ATP10A: variants seen among roughly 807,000 people sequenced by gnomAD.
ATP10A encodes the protein phospholipid-transporting ATPase VA.
In ATP10A, 111 loss-of-function variants were observed where a neutral mutation model predicts 147.8. The observed-to-expected ratio is 0.75, with a 90% CI of 0.64 to 0.88. The LOEUF is 0.88. Among genes scored for constraint, ATP10A ranks in the 40% least tolerant of loss-of-function variants. ATP10A has a pLI of 0.00. For missense variants in ATP10A, 1,927 were observed against 1,959.0 expected (o/e 0.98, Z 0.31); for synonymous variants, 875 against 841.6 (o/e 1.04, Z -0.69).
At chr15:25,682,040 C>G (rs1005455155) in intron 17 of ATP10A, among the ~76,000 whole-genome samples, 1 of 130,356 alleles carries the variant, frequency 7.7e-6, no homozygotes, top group Non-Finnish European at 1.6e-5. Context: ...GGTGACAGAG[C>G]GAGACCTTGT....
At chr15:25,682,552 C>T (rs1277279756) in intron 17 of ATP10A, among the ~76,000 whole-genome samples, 4 of 152,062 alleles carry the variant, frequency 2.6e-5, no homozygotes, top group Admixed American at 6.6e-5. Flanking sequence ...CACAGGTGGC[C>T]GAGGAGGCTG....
intron 7 of ATP10A, among the ~76,000 whole-genome samples, chr15:25,718,888 C>T (rs541900136): frequency 6.6e-6 from 1 of 152,256 alleles, no homozygotes; most frequent in South Asian, 2.1e-4. Context: ...GGGGGGCTCA[C>T]ACTCCCAGAT....
intron 16 of ATP10A, 64 bp from the exon 17 acceptor site, chr15:25,683,550 C>G (rs925100395): frequency 1.4e-6 from 2 of 1,474,098 alleles, no homozygotes; most frequent in African/African-American, 2.8e-5. Flanking sequence ...GATTCTCATC[C>G]GAGGGAGCTG....
intron 16 of ATP10A, among the ~76,000 whole-genome samples, chr15:25,685,547 GA>G (rs1198235847): frequency 2.4e-4 from 36 of 152,302 alleles, no homozygotes; most frequent in African/African-American, 8.2e-4. Context: ...AGATTTAAAA[GA>G]AGACTGGACA....
At chr15:25,675,767 G>A (rs57788383), downstream of ATP10A, among the ~76,000 whole-genome samples, 208 of 152,298 alleles carry the variant, frequency 1.4e-3, 1 homozygote, top group African/African-American at 4.6e-3. Context: ...CCAACACGGC[G>A]AAAGCCCATC....
At position 25,862,659 on chromosome 15, in the gene ATP10A, C is replaced by T. The variant is rs1362154459; in HGVS notation, c.438G>A (p.Leu146=). The T allele has an allele frequency of 6.3e-7, 1 of 1,584,204 alleles. No individual in the cohort carries two copies. Among genetic ancestry groups the T allele is most frequent in the Non-Finnish European group, 8.6e-7 (1 of 1,162,922 alleles). Residue 146 remains leucine (L), a synonymous_variant, in exon 1 of 21, where the codon CTG becomes CTA. Transcript: ENST00000555815. ...SDHKINHLGC[L]VFSREEKKYV... is the part of the protein sequence containing the mutation. ...CCCGCCCAACTCACCTGCTGAAGAC[C>T]AGGCAGCCCAGGTGGTTGATCTTGT... is the stretch of plus-strand genomic sequence containing the variant.
intron 13 of ATP10A, among the ~76,000 whole-genome samples, chr15:25,700,929 T>TAA (rs36021930): frequency 3.5e-5 from 5 of 143,938 alleles, no homozygotes; most frequent in African/African-American, 1.0e-4. Flanking sequence ...AGAGGTCACT[T>TAA]AAAAAAAAAA....
In ATP10A at chr15:25,860,322, GC is replaced by G. The variant is rs1221329467; in HGVS notation, c.449+2325del. Among the ~76,000 whole-genome samples, 5 of 152,108 alleles carry G rather than the reference GC, an allele frequency of 3.3e-5. No homozygotes were observed. In the East Asian group the frequency reaches 7.7e-4, roughly 24 times the overall value. On this transcript the variant is annotated intron_variant, in intron 1 of 20. Coordinates refer to ENST00000555815, the MANE Select transcript of ATP10A (RefSeq NM_024490.4). The stretch of plus-strand genomic sequence containing the variant: ...CCAGACTCTTGTCCTGCACTGGGAC[GC>G]CTCGCCAGACATGGAGCCTGCATCC...
chr15:25,682,608 G>A (rs1044099254), intron 17 of ATP10A, among the ~76,000 whole-genome samples: 2 of 152,204 alleles, frequency 1.3e-5, no homozygotes, highest in African/African-American at 4.8e-5. Flanking sequence ...CAGATAACAA[G>A]CAGAGGCCCT....
At position 25,732,123 on chromosome 15, in the gene ATP10A, A is replaced by T. The variant is rs142427122; in HGVS notation, c.740+3933T>A. Among the ~76,000 whole-genome samples the T allele has an allele frequency of 5.2e-3, 797 of 152,278 alleles. 4 individuals carry two copies. The highest frequency in any genetic ancestry group is 0.02 in the Middle Eastern group (6 of 294). On this transcript the variant is annotated intron_variant, in intron 3 of 20. Transcript: ENST00000555815. ...CTAACCTCAAGTGAACCTCCCATCT[A>T]GGCCTCCCAAAGGATTACAGGCATG...
chr15:25,679,419 C>A lies in ATP10A; in HGVS notation c.4422G>T (p.Gln1474His), dbSNP rs1266784960. The A allele has an allele frequency of 6.2e-7, 1 of 1,613,604 alleles. No individual in the cohort carries two copies. The highest frequency in any genetic ancestry group is 1.7e-5 in the Admixed American group (1 of 60,012). Residue 1474 changes from glutamine to histidine, a missense_variant, in exon 21 of 21, where the codon CAG becomes CAT. Physicochemically the swap from Gln to His is conservative, Grantham distance 24. Transcript: ENST00000555815. ...DGQAGRGLPVQPHSGRSGLQG... is the reference protein window; with the variant it reads ...DGQAGRGLPVHPHSGRSGLQG... Reference sequence around the variant, plus strand: ...GAAGTCCTGATCGGCCTGAGTGGGGCTGGACAGGAAGTCCACGTCCCGCTT... The same window carrying A: ...GAAGTCCTGATCGGCCTGAGTGGGGATGGACAGGAAGTCCACGTCCCGCTT...
At chr15:25,808,662 G>A (rs1189338834) in intron 1 of ATP10A, among the ~76,000 whole-genome samples, 1 of 152,220 alleles carries the variant, frequency 6.6e-6, no homozygotes, top group Non-Finnish European at 1.5e-5. Context: ...GGGATTACAA[G>A]CGTGAGCCAC....
intron 7 of ATP10A, among the ~76,000 whole-genome samples, chr15:25,719,608 C>A (rs1902083414): frequency 1.3e-5 from 2 of 149,448 alleles, no homozygotes; most frequent in South Asian, 4.3e-4. Context: ...CTCCATGGAG[C>A]CATCCTTCAG....
At chr15:25,797,976 G>A (rs1890761395) in intron 1 of ATP10A, among the ~76,000 whole-genome samples, 1 of 152,168 alleles carries the variant, frequency 6.6e-6, no homozygotes, top group African/African-American at 2.4e-5. Context: ...TTAAATGTAA[G>A]ACTTCTGTGT....
chr15:25,859,408 C>T (rs1415832811), intron 1 of ATP10A, among the ~76,000 whole-genome samples: 6 of 152,228 alleles, frequency 3.9e-5, no homozygotes, highest in Non-Finnish European at 2.9e-5. Context: ...CAGCCCCTTT[C>T]TTCCCACCCG....
chr15:25,694,890 G>C lies in ATP10A; in HGVS notation c.3017C>G (p.Ser1006Trp). 6.2e-7 allele frequency: 1 copy of C among 1,614,124 alleles called. No individual in the cohort carries two copies. Among genetic ancestry groups the C allele is most frequent in the Non-Finnish European group, 8.5e-7 (1 of 1,180,046 alleles). Residue 1006 changes from serine to tryptophan, a missense_variant, in exon 14 of 21, where the codon TCG becomes TGG. Transcript: ENST00000555815. ...KQCRSVLCCR[S>W]TPLQKSMVVK... ...CACCATGCTCTTCTGCAGAGGCGTC[G>C]ACCGACAGCAGAGGACGGAGCGGCA...
At chr15:25,762,999 C>T (rs1236692924) in intron 2 of ATP10A, among the ~76,000 whole-genome samples, 3 of 152,028 alleles carry the variant, frequency 2.0e-5, no homozygotes, top group Non-Finnish European at 2.9e-5. Context: ...TCAAGTGACA[C>T]ACATTTTCCC....
Position 25,694,802 on chromosome 15 carries a change from C to T in ATP10A, c.3088+17G>A, listed in dbSNP as rs752485466. ...GTCCAGCTGGGAGGAGGCCGTCTGG[C>T]CAGCTGGGATACTTGCCTATGGCCA... On this transcript the variant is annotated intron_variant, in intron 14 of 20. Transcript: ENST00000555815. 10 of 1,590,900 alleles carry T rather than the reference C, an allele frequency of 6.3e-6. No homozygotes were observed. The highest frequency in any genetic ancestry group is 8.6e-6 in the Non-Finnish European group (10 of 1,166,130).
intron 1 of ATP10A, among the ~76,000 whole-genome samples, chr15:25,810,007 T>C (rs1359800972): frequency 9.0e-6 from 1 of 111,366 alleles, no homozygotes; most frequent in African/African-American, 2.9e-5. Flanking sequence ...GGGAAGAAGG[T>C]CATTACAAAA....
Sources: gnomAD v4.1 joint callset for allele counts (sites outside exome capture counted in the v4.1 genomes callset) on GRCh38, gnomAD v4.1.1 for gene constraint, MANE v1.5 for transcripts, NCBI Gene and HGNC (gene_info 2026-07-23, HGNC 2026-07-21) for gene names.